Variants in GFRA1 observed in about 807,000 individuals in gnomAD.
The protein encoded by GFRA1 is GDNF family receptor alpha-1.
A neutral mutation model predicts 51.6 loss-of-function variants in GFRA1; 16 were observed. That is an observed-to-expected ratio of 0.31 (90% CI 0.21 to 0.47). The LOEUF is 0.47. Among genes scored for constraint, GFRA1 ranks in the 20% least tolerant of loss-of-function variants. The pLI, the probability that GFRA1 is intolerant of heterozygous loss-of-function variation, is 1.00. For synonymous variants in GFRA1, 270 were observed against 241.3 expected (o/e 1.12, Z -1.10); for missense variants, 530 against 594.3 (o/e 0.89, Z 1.13).
At position 116,269,557 on chromosome 10, in the gene GFRA1, C is replaced by T. The variant is rs1969933815; in HGVS notation, c.364G>A (p.Glu122Lys). ...TCTGACAATCTGCTGTTAACTGGTT[C>T]ATATGGGGAATCCTCCAGCAGATCA... ...GNDLLEDSPY[E>K]PVNSRLSDIF... Residue 122 changes from glutamate (E) to lysine (K), a missense_variant, in exon 4 of 11, where the codon GAA (glutamate) becomes AAA (lysine). Physicochemically the swap from Glu to Lys is moderately conservative, Grantham distance 56. Coordinates refer to ENST00000355422, the MANE Select transcript of GFRA1 (RefSeq NM_005264.8). The T allele has an allele frequency of 6.2e-7, 1 of 1,607,094 alleles. No individual in the cohort carries two copies. The highest frequency in any genetic ancestry group is 8.5e-7 in the Non-Finnish European group (1 of 1,173,598).
At chr10:116,067,069 A>T (rs1955147734) in intron 9 of GFRA1, among the ~76,000 whole-genome samples, 1 of 152,226 alleles carries the variant, frequency 6.6e-6, no homozygotes, top group South Asian at 2.1e-4. Flanking sequence ...AAGCATCAAG[A>T]ATAAGACACT....
At chr10:116,102,486 C>T (rs541607631) in intron 6 of GFRA1, among the ~76,000 whole-genome samples, 38 of 152,208 alleles carry the variant, frequency 2.5e-4, no homozygotes, top group African/African-American at 7.2e-4. Context: ...TGTATTAGTC[C>T]GTTTTTATGC....
At chr10:116,154,644 C>T (rs1208337804) in intron 5 of GFRA1, among the ~76,000 whole-genome samples, 1 of 152,134 alleles carries the variant, frequency 6.6e-6, no homozygotes, top group Non-Finnish European at 1.5e-5. Flanking sequence ...GCTGTGTTCA[C>T]TTTGTAAAAC....
chr10:116,092,864 T>C (rs1348697388), intron 8 of GFRA1, among the ~76,000 whole-genome samples: 1 of 151,532 alleles, frequency 6.6e-6, no homozygotes, highest in African/African-American at 2.4e-5. Context: ...TGCCACAGAG[T>C]GGGTTGCAAT....
chr10:116,157,375 C>A (rs545265450), intron 5 of GFRA1, among the ~76,000 whole-genome samples: 1 of 152,296 alleles, frequency 6.6e-6, no homozygotes, highest in South Asian at 2.1e-4. Flanking sequence ...GCTGATCGCA[C>A]CCTGTGGAAC....
In GFRA1 at chr10:116,108,123, T is replaced by A. The variant is rs537387299; in HGVS notation, c.771-11359A>T. Among the ~76,000 whole-genome samples the A allele has an allele frequency of 3.3e-5, 5 of 152,302 alleles. No homozygotes were observed. In the South Asian group the frequency reaches 8.3e-4, roughly 25 times the overall value. On this transcript the variant is annotated intron_variant, in intron 6 of 10. Transcript: ENST00000355422. ...ACAACCTACACTTGCACAAGTTCGC[T>A]TTAAACAGAAACACATGAAAATGAG...
At chr10:116,188,942 T>C (rs1962992032) in intron 5 of GFRA1, among the ~76,000 whole-genome samples, 1 of 150,802 alleles carries the variant, frequency 6.6e-6, no homozygotes, top group African/African-American at 2.4e-5. Flanking sequence ...CTACAGTATT[T>C]ATTATCACAA....
chr10:116,216,881 G>C (rs558766352), intron 4 of GFRA1, among the ~76,000 whole-genome samples: 1 of 152,186 alleles, frequency 6.6e-6, no homozygotes, highest in Non-Finnish European at 1.5e-5. Context: ...AATGGAGTCA[G>C]TTCACCATTA....
chr10:116,106,587 G>A (rs1369297005), intron 6 of GFRA1, among the ~76,000 whole-genome samples: 1 of 152,046 alleles, frequency 6.6e-6, no homozygotes, highest in Non-Finnish European at 1.5e-5. Flanking sequence ...GTAGCGAGTA[G>A]GTTCTTGTGA....
intron 9 of GFRA1, among the ~76,000 whole-genome samples, chr10:116,072,908 A>C (rs1955465898): frequency 6.6e-6 from 1 of 152,140 alleles, no homozygotes; most frequent in South Asian, 2.1e-4. Flanking sequence ...GATACTCTAG[A>C]TGGAAGTCCT....
In GFRA1 at chr10:116,117,560, GATGGA is replaced by G. The variant is rs1380916591; in HGVS notation, c.770+7656_770+7660del. 9.9e-4 allele frequency among the ~76,000 whole-genome samples: 138 copies of G among 138,860 alleles called. 2 individuals carry two copies. The highest frequency in any genetic ancestry group is 3.7e-3 in the Middle Eastern group (1 of 272). The allele number at this position is 138,860 out of a possible 152,430, so 91.1% of individuals were successfully genotyped here. A position where few individuals can be genotyped will look rare whatever the true frequency, so the allele number is the denominator to read the frequency against. On this transcript the variant is annotated intron_variant, in intron 6 of 10. Coordinates refer to ENST00000355422, the MANE Select transcript of GFRA1 (RefSeq NM_005264.8). ...GGGTGGGTGGGTGGGTGGGTGTGTG[GATGGA>G]TGGATGGATGGATGGATGGATGGAT...
chr10:116,111,660 G>A (rs970200157), intron 6 of GFRA1, among the ~76,000 whole-genome samples: 4 of 152,164 alleles, frequency 2.6e-5, no homozygotes, highest in Non-Finnish European at 4.4e-5. Flanking sequence ...TGAGAGGAGG[G>A]TGAAGCCATC....
At position 116,207,276 on chromosome 10, in the gene GFRA1, C is replaced by T. The variant is rs1338775013; in HGVS notation, c.433+4355G>A. Among the ~76,000 whole-genome samples the T allele has an allele frequency of 2.0e-5, 3 of 152,370 alleles. No homozygotes were observed. The South Asian group carries it at 6.2e-4, about 32-fold the overall frequency. ...ACACTGAGGTTTCCTAATCACCTGT[C>T]ACCAATCTGAGATCAGCGGCCATTC... On this transcript the variant is annotated intron_variant, in intron 5 of 10. Coordinates refer to ENST00000355422, the MANE Select transcript of GFRA1 (RefSeq NM_005264.8).
At chr10:116,233,436 T>C (rs1029322866) in intron 4 of GFRA1, among the ~76,000 whole-genome samples, 1 of 152,118 alleles carries the variant, frequency 6.6e-6, no homozygotes, top group Admixed American at 6.5e-5. Flanking sequence ...GTTCTCAGGA[T>C]TAATTCCCAG....
intron 4 of GFRA1, among the ~76,000 whole-genome samples, chr10:116,214,601 C>G (rs946613524): frequency 2.0e-5 from 3 of 152,188 alleles, no homozygotes; most frequent in Non-Finnish European, 4.4e-5. Flanking sequence ...CTATTATTAG[C>G]AAAGTACAAA....
At chr10:116,109,974 T>C (rs1957144865) in intron 6 of GFRA1, among the ~76,000 whole-genome samples, 2 of 152,088 alleles carry the variant, frequency 1.3e-5, no homozygotes, top group African/African-American at 4.8e-5. Context: ...TCCCAGTGTC[T>C]GGCACAGAGT....
At chr10:116,186,651 G>C (rs1170303763) in intron 5 of GFRA1, among the ~76,000 whole-genome samples, 1 of 151,470 alleles carries the variant, frequency 6.6e-6, no homozygotes, top group Non-Finnish European at 1.5e-5. Flanking sequence ...GTCTACACAT[G>C]GGGGGCGGCG....
intron 5 of GFRA1, among the ~76,000 whole-genome samples, chr10:116,167,965 T>G (rs1044087166): frequency 2.0e-5 from 3 of 151,676 alleles, no homozygotes; most frequent in Non-Finnish European, 4.4e-5. Flanking sequence ...GGGGGGAGGG[T>G]GAGGAATATA....
At chr10:116,273,851 C>T (rs1027696424), upstream of GFRA1, among the ~76,000 whole-genome samples, 2 of 152,126 alleles carry the variant, frequency 1.3e-5, no homozygotes, top group African/African-American at 4.8e-5. Context: ...CACACTCAGA[C>T]CCAGGACGCT....
Sources: gnomAD v4.1 joint callset for allele counts (sites outside exome capture counted in the v4.1 genomes callset) on GRCh38, gnomAD v4.1.1 for gene constraint, MANE v1.5 for transcripts, NCBI Gene and HGNC (gene_info 2026-07-23, HGNC 2026-07-21) for gene names.